Variants in KHDRBS2 observed in about 807,000 individuals in gnomAD.
KHDRBS2 encodes the protein KH RNA binding domain containing, signal transduction associated 2.
A neutral mutation model predicts 44.3 loss-of-function variants in KHDRBS2; 26 were observed. The observed-to-expected ratio is 0.59, with a 90% CI of 0.43 to 0.81. KHDRBS2 has a LOEUF of 0.81. Among genes scored for constraint, KHDRBS2 ranks in the 40% least tolerant of loss-of-function variants. The pLI, the probability that KHDRBS2 is intolerant of heterozygous loss-of-function variation, is 0.00. For synonymous variants in KHDRBS2, 194 were observed against 151.1 expected (o/e 1.28, Z -2.08); for missense variants, 476 against 433.1 (o/e 1.10, Z -0.88).
chr6:62,117,284 T>C (rs912821088), intron 2 of KHDRBS2, among the ~76,000 whole-genome samples: 5 of 152,178 alleles, frequency 3.3e-5, no homozygotes, highest in African/African-American at 1.2e-4. Context: ...GTCTTTTTGA[T>C]AGTGGCTATC....
At chr6:61,774,792 G>A (rs184128973) in intron 6 of KHDRBS2, among the ~76,000 whole-genome samples, 4,818 of 152,092 alleles carry the variant, frequency 0.032, 251 homozygotes, top group African/African-American at 0.11. Flanking sequence ...CTCATTTTAC[G>A]AAGCCAGCAT....
intron 1 of KHDRBS2, among the ~76,000 whole-genome samples, chr6:62,236,906 C>G (rs1468247543): frequency 1.3e-5 from 2 of 151,900 alleles, no homozygotes; most frequent in Non-Finnish European, 2.9e-5. Context: ...TTGGAATTAT[C>G]TTCATTTTTT....
intron 1 of KHDRBS2, among the ~76,000 whole-genome samples, chr6:62,220,149 CA>C (rs1048019709): frequency 2.0e-5 from 3 of 150,390 alleles, no homozygotes; most frequent in African/African-American, 7.3e-5. Flanking sequence ...TCAAATATTC[CA>C]AAAAAAAGTA....
At chr6:62,285,275 C>T (rs2150199913) in intron 1 of KHDRBS2, among the ~76,000 whole-genome samples, 1 of 152,286 alleles carries the variant, frequency 6.6e-6, no homozygotes, top group East Asian at 1.9e-4. Context: ...CAATATCTCA[C>T]AGAGTACCCA....
the KHDRBS2 span, among the ~76,000 whole-genome samples, chr6:61,615,060 C>A: frequency 1.3e-5 from 2 of 151,130 alleles, no homozygotes; most frequent in Non-Finnish European, 2.9e-5. Flanking sequence ...AGGTTGAAAC[C>A]CCTTTCTACT....
chr6:61,739,583 T>C (rs1404040624), intron 6 of KHDRBS2, among the ~76,000 whole-genome samples: 1 of 151,956 alleles, frequency 6.6e-6, no homozygotes, highest in Non-Finnish European at 1.5e-5. Context: ...ATTTACAATG[T>C]TAAGGCTATA....
intron 7 of KHDRBS2, among the ~76,000 whole-genome samples, chr6:61,722,353 T>C (rs1016560385): frequency 1.3e-5 from 2 of 152,136 alleles, no homozygotes; most frequent in African/African-American, 4.8e-5. Flanking sequence ...GCAAAATAAC[T>C]GGGGGATTAA....
chr6:62,220,533 C>CTTAA (rs1270722045), intron 1 of KHDRBS2, among the ~76,000 whole-genome samples: 6 of 151,716 alleles, frequency 4.0e-5, no homozygotes, highest in African/African-American at 1.5e-4. Flanking sequence ...GGCATATAAT[C>CTTAA]TTAAGAGGGT....
intron 6 of KHDRBS2, among the ~76,000 whole-genome samples, chr6:61,780,992 C>T (rs1782844955): frequency 6.6e-6 from 1 of 152,060 alleles, no homozygotes; most frequent in African/African-American, 2.4e-5. Flanking sequence ...AGAAAATGGC[C>T]TTATGCTTTG....
chr6:61,558,085 T>G, the KHDRBS2 span, among the ~76,000 whole-genome samples: 1 of 152,200 alleles, frequency 6.6e-6, no homozygotes, highest in Non-Finnish European at 1.5e-5. Flanking sequence ...ACTTTTTGTT[T>G]CATTGACCTT....
intron 6 of KHDRBS2, among the ~76,000 whole-genome samples, chr6:61,837,252 A>G (rs562100470): frequency 6.6e-6 from 1 of 152,156 alleles, no homozygotes; most frequent in Admixed American, 6.6e-5. Context: ...ATAAGTATTC[A>G]AAGTGTTCAT....
intron 8 of KHDRBS2, among the ~76,000 whole-genome samples, chr6:61,692,401 A>G (rs6923564): frequency 0.35 from 53,514 of 151,516 alleles, 10,278 homozygotes; most frequent in East Asian, 0.48. Context: ...TTATAAGATA[A>G]TTATATGTTA....
chr6:61,645,854 G>C, the KHDRBS2 span, among the ~76,000 whole-genome samples: 1 of 152,084 alleles, frequency 6.6e-6, no homozygotes, highest in African/African-American at 2.4e-5. Flanking sequence ...TCTACCTTAA[G>C]TAGAACCACA....
At chr6:61,596,326 C>CA in the KHDRBS2 span, among the ~76,000 whole-genome samples, 3 of 152,032 alleles carry the variant, frequency 2.0e-5, no homozygotes, top group Non-Finnish European at 4.4e-5. Context: ...TAGTCCCACG[C>CA]AAAAAATTTT....
At chr6:61,794,278 G>T (rs1785019090) in intron 6 of KHDRBS2, among the ~76,000 whole-genome samples, 1 of 152,126 alleles carries the variant, frequency 6.6e-6, no homozygotes, top group Non-Finnish European at 1.5e-5. Flanking sequence ...CACCGATGGG[G>T]AAGCCAAGAT....
chr6:61,977,990 G>T, intron 4 of KHDRBS2, 76 bp downstream of exon 4: 2 of 1,238,948 alleles, frequency 1.6e-6, no homozygotes, highest in Non-Finnish European at 2.3e-6. Context: ...CTTTTAAAAA[G>T]TCAGTGAAGA....
chr6:61,819,878 T>G (rs1789607515), intron 6 of KHDRBS2, among the ~76,000 whole-genome samples: 1 of 152,046 alleles, frequency 6.6e-6, no homozygotes, highest in African/African-American at 2.4e-5. Flanking sequence ...ACAAGCAGTC[T>G]GATTAAAGGA....
intron 4 of KHDRBS2, among the ~76,000 whole-genome samples, chr6:61,954,190 G>C (rs1456413198): frequency 6.6e-6 from 1 of 151,986 alleles, no homozygotes; most frequent in Admixed American, 6.6e-5. Flanking sequence ...GTCTGGGACT[G>C]TCTTGGTTTT....
At chr6:62,114,598 G>A (rs1404289488) in intron 2 of KHDRBS2, among the ~76,000 whole-genome samples, 1 of 152,134 alleles carries the variant, frequency 6.6e-6, no homozygotes, top group Non-Finnish European at 1.5e-5. Context: ...ATGGGAGGCA[G>A]AAATCTTGGT....
Sources: allele counts gnomAD v4.1 joint callset (sites outside exome capture counted in the v4.1 genomes callset), GRCh38; gene constraint gnomAD v4.1.1; transcripts MANE v1.5; gene names NCBI Gene and HGNC (gene_info 2026-07-23, HGNC 2026-07-21).